C2CD3: variants seen among roughly 807,000 people sequenced by gnomAD.
C2CD3 encodes C2 domain-containing protein 3.
In C2CD3, 148 loss-of-function variants were observed where a neutral mutation model predicts 234.0. That is an observed-to-expected ratio of 0.63 (90% confidence interval 0.55 to 0.72). C2CD3 has a LOEUF of 0.72. Among genes scored for constraint, C2CD3 ranks in the 30% least tolerant of loss-of-function variants. The pLI, the probability that C2CD3 is intolerant of heterozygous loss-of-function variation, is 0.00. For missense variants in C2CD3, 2,577 were observed against 2,811.5 expected (o/e 0.92, Z 1.89); for synonymous variants, 1,000 against 1,035.4 (o/e 0.97, Z 0.66).
intron 2 of C2CD3, chr11:74,164,144 C>T (rs1189417684): frequency 1.0e-6 from 1 of 962,634 alleles, no homozygotes; most frequent in East Asian, 1.1e-4. Flanking sequence ...TCTTAGTAGA[C>T]TTCTGACCTT....
intron 3 of C2CD3, among the ~76,000 whole-genome samples, chr11:74,141,955 T>C (rs188457242): frequency 5.3e-4 from 81 of 152,146 alleles, no homozygotes; most frequent in African/African-American, 1.8e-3. Context: ...TGAGCTATGA[T>C]TGTGCCACTG....
At chr11:74,064,261 C>T (rs142875442) in intron 24 of C2CD3, among the ~76,000 whole-genome samples, 8 of 152,304 alleles carry the variant, frequency 5.3e-5, no homozygotes, top group Non-Finnish European at 1.0e-4. Context: ...GTGCAAAAAT[C>T]ACAAGCATTC....
intron 16 of C2CD3, among the ~76,000 whole-genome samples, chr11:74,097,372 T>C (rs781773999): frequency 2.6e-5 from 4 of 152,188 alleles, no homozygotes; most frequent in Admixed American, 6.5e-5. Flanking sequence ...GATACAGTAG[T>C]ACATGATACA....
At chr11:74,128,835 CAT>C (rs1227666443) in intron 7 of C2CD3, 52 of 232,402 alleles carry the variant, frequency 2.2e-4, no homozygotes, top group South Asian at 1.9e-3. Context: ...GGACACAGCA[CAT>C]GTTTCAGAGA....
In C2CD3 at chr11:74,078,620, C is replaced by A; in HGVS notation, c.4098G>T (p.Ser1366=). The A allele has an allele frequency of 6.2e-7, 1 of 1,614,158 alleles. No homozygotes were observed. The highest frequency in any genetic ancestry group is 1.1e-5 in the South Asian group (1 of 91,076). ...MQKIVGGLEL[S]ISFTHRGDRE... ...TATCTCCACGATGCGTGAAGGAAAT[C>A]GAAAGCTCCAGACCACCCACGATCT... is the stretch of plus-strand genomic sequence containing the variant. Residue 1366 remains serine, a synonymous_variant, in exon 23 of 33, where the codon TCG becomes TCT. Transcript: ENST00000334126.
intron 1 of C2CD3, among the ~76,000 whole-genome samples, chr11:74,170,313 C>G (rs909380543): frequency 6.6e-6 from 1 of 152,084 alleles, no homozygotes; most frequent in Non-Finnish European, 1.5e-5. Flanking sequence ...CTGCTTTGTA[C>G]TAATCCTTGG....
At chr11:74,056,749 C>T (rs908108044) in intron 25 of C2CD3, among the ~76,000 whole-genome samples, 32 of 152,068 alleles carry the variant, frequency 2.1e-4, no homozygotes, top group Non-Finnish European at 1.0e-4. Flanking sequence ...AATATCTTTC[C>T]GACTCTTATT....
intron 31 of C2CD3, among the ~76,000 whole-genome samples, chr11:74,028,757 CACAG>C (rs1046820563): frequency 2.6e-5 from 4 of 152,324 alleles, no homozygotes; most frequent in African/African-American, 9.6e-5. Flanking sequence ...TTCTCAATGG[CACAG>C]ACAGTTTCCT....
At chr11:74,048,756 T>C (rs780781049) in intron 27 of C2CD3, among the ~76,000 whole-genome samples, 1 of 152,230 alleles carries the variant, frequency 6.6e-6, no homozygotes, top group Non-Finnish European at 1.5e-5. Context: ...TGTTTTCTTA[T>C]GCATGCTTTC....
At chr11:74,143,804 C>T (rs1854974317) in intron 3 of C2CD3, among the ~76,000 whole-genome samples, 1 of 151,994 alleles carries the variant, frequency 6.6e-6, no homozygotes, top group Admixed American at 6.6e-5. Context: ...CTTAAAATAA[C>T]TGTTTTCTCC....
intron 19 of C2CD3, chr11:74,091,465 T>C (rs541672542): frequency 4.6e-5 from 7 of 152,826 alleles, no homozygotes; most frequent in East Asian, 1.9e-4. Flanking sequence ...ATCTTAATTA[T>C]GGTGACATAA....
Position 74,053,705 on chromosome 11 carries a change from G to A in C2CD3, c.5155+902C>T, listed in dbSNP as rs114601639. ...ATACAAACGTGGGGGGAAGCCACTT[G>A]TATGTGGCAGGCTGTACGTTATGAT... is the stretch of plus-strand genomic sequence containing the variant. On this transcript the variant is annotated intron_variant, in intron 26 of 32. Transcript: ENST00000334126. Among the ~76,000 whole-genome samples the A allele has an allele frequency of 7.7e-3, 1,179 of 152,354 alleles. 8 individuals carry two copies. Among genetic ancestry groups the A allele is most frequent in the African/African-American group, 0.026 (1,085 of 41,586 alleles).
chr11:74,142,808 T>G (rs1035843967), intron 3 of C2CD3, among the ~76,000 whole-genome samples: 2 of 152,166 alleles, frequency 1.3e-5, no homozygotes, highest in African/African-American at 2.4e-5. Flanking sequence ...TCCTGTTGCA[T>G]TTAGCTCCCA....
At chr11:74,036,903 G>A (rs1050534939) in intron 30 of C2CD3, among the ~76,000 whole-genome samples, 2 of 152,152 alleles carry the variant, frequency 1.3e-5, no homozygotes, top group Non-Finnish European at 2.9e-5. Context: ...CTACAGTACA[G>A]CCTGGGCATG....
At chr11:74,029,497 T>TG (rs983708488) in intron 31 of C2CD3, among the ~76,000 whole-genome samples, 1 of 152,110 alleles carries the variant, frequency 6.6e-6, no homozygotes, top group African/African-American at 2.4e-5. Context: ...TGTAGAGAGG[T>TG]GGGGGAGGAA....
chr11:74,118,861 GGCCAAATGACTTGGAC>G (rs1425880553), intron 8 of C2CD3, among the ~76,000 whole-genome samples: 1 of 151,746 alleles, frequency 6.6e-6, no homozygotes, highest in African/African-American at 2.4e-5. Context: ...CATAGTTTGA[GGCCAAATGACTTGGAC>G]GATGTCACCT....
At chr11:74,166,367 A>G (rs1856814041) in intron 2 of C2CD3, among the ~76,000 whole-genome samples, 1 of 151,218 alleles carries the variant, frequency 6.6e-6, no homozygotes. Context: ...ACTGTCACTT[A>G]TAAGGTTCAC....
chr11:74,034,877 T>C (rs988091882), intron 30 of C2CD3, among the ~76,000 whole-genome samples: 2 of 152,208 alleles, frequency 1.3e-5, no homozygotes, highest in Non-Finnish European at 2.9e-5. Context: ...TATTGATCTG[T>C]ACAGTGTAAT....
At chr11:74,022,216 T>G (rs1171066396) in intron 32 of C2CD3, among the ~76,000 whole-genome samples, 4 of 151,962 alleles carry the variant, frequency 2.6e-5, no homozygotes, top group Non-Finnish European at 5.9e-5. Context: ...GTGGCAGAAT[T>G]AACAGGCCTT....
Sources: allele counts gnomAD v4.1 joint callset (sites outside exome capture counted in the v4.1 genomes callset), GRCh38; gene constraint gnomAD v4.1.1; transcripts MANE v1.5; gene names NCBI Gene and HGNC (gene_info 2026-07-23, HGNC 2026-07-21).